The following CAMK4 variants were observed in gnomAD, a reference collection of about 807,000 sequenced individuals.
CAMK4 encodes calcium/calmodulin-dependent protein kinase type IV.
Under a neutral mutation model 44.9 loss-of-function variants are expected in CAMK4, and 22 were observed. That is an observed-to-expected ratio of 0.49 (90% CI 0.35 to 0.70). CAMK4 has a LOEUF of 0.70. CAMK4 is among the 30% of genes least tolerant of loss of function. The pLI, the probability that CAMK4 is intolerant of heterozygous loss-of-function variation, is 0.01. For missense variants in CAMK4, 498 were observed against 586.8 expected (o/e 0.85, Z 1.56); for synonymous variants, 218 against 215.4 (o/e 1.01, Z -0.11).
intron 5 of CAMK4, among the ~76,000 whole-genome samples, chr5:111,413,543 C>G (rs868100927): frequency 6.7e-6 from 1 of 150,128 alleles, no homozygotes; most frequent in Non-Finnish European, 1.5e-5. Flanking sequence ...TGCCACTGCA[C>G]TGCAGCCTGG....
At chr5:111,460,265 C>CTT (rs200566906) in intron 7 of CAMK4, among the ~76,000 whole-genome samples, 1,690 of 122,572 alleles carry the variant, frequency 0.014, 139 homozygotes, top group African/African-American at 0.022. Context: ...CTTTTCTTTT[C>CTT]TTTTTCTTTT....
Position 111,388,110 on chromosome 5 carries a change from T to C in CAMK4, c.387-6600T>C, listed in dbSNP as rs116178732. Among the ~76,000 whole-genome samples, 291 of 152,298 alleles carry C rather than the reference T, an allele frequency of 1.9e-3. 1 individual carries two copies. Among genetic ancestry groups the C allele is most frequent in the African/African-American group, 6.8e-3 (281 of 41,578 alleles). On this transcript the variant is annotated intron_variant, in intron 4 of 10. Transcript: ENST00000282356. Reference sequence around the variant, plus strand: ...AATCATCTGGGAACAAAGCTCCTTTTAGCAGAAACTGCCTGGAATAGAAGT... The same window carrying C: ...AATCATCTGGGAACAAAGCTCCTTTCAGCAGAAACTGCCTGGAATAGAAGT...
In CAMK4 at chr5:111,448,803, T is replaced by TAAAC. The variant is rs1354863582; in HGVS notation, c.551-310_551-307dup. Among the ~76,000 whole-genome samples, 3 of 152,234 alleles carry TAAAC rather than the reference T, an allele frequency of 2.0e-5. No homozygotes were observed. In the South Asian group the frequency reaches 6.2e-4, roughly 32 times the overall value. ...CTAGGCAACAGAGCAAGATTCTATC[T>TAAAC]AAACAAACAAACAAACAAAAACAAG... On this transcript the variant is annotated intron_variant, in intron 6 of 10. Coordinates refer to ENST00000282356, the MANE Select transcript of CAMK4 (RefSeq NM_001744.6).
chr5:111,352,011 T>C (rs1467774917), intron 2 of CAMK4, among the ~76,000 whole-genome samples: 1 of 152,072 alleles, frequency 6.6e-6, no homozygotes, highest in Non-Finnish European at 1.5e-5. Flanking sequence ...GTAAACTCTC[T>C]TTTGTCTCTT....
chr5:111,478,145 G>A (rs1012756202), intron 8 of CAMK4, among the ~76,000 whole-genome samples: 1 of 150,362 alleles, frequency 6.7e-6, no homozygotes, highest in African/African-American at 2.4e-5. Context: ...TATTATTATA[G>A]CTTTTTGTAG....
intron 2 of CAMK4, among the ~76,000 whole-genome samples, chr5:111,344,722 C>T (rs1298904456): frequency 6.6e-6 from 1 of 151,706 alleles, no homozygotes; most frequent in Non-Finnish European, 1.5e-5. Context: ...TTGCCCTACA[C>T]TCATAGATAA....
intron 5 of CAMK4, among the ~76,000 whole-genome samples, chr5:111,442,910 T>G (rs1753878280): frequency 6.7e-6 from 1 of 150,194 alleles, no homozygotes; most frequent in South Asian, 2.1e-4. Flanking sequence ...TAATTTTCAT[T>G]TTAACTAGTA....
intron 5 of CAMK4, 135 bp from the exon 6 acceptor site, chr5:111,446,551 T>G: frequency 1.8e-6 from 1 of 570,056 alleles, no homozygotes; most frequent in Non-Finnish European, 3.1e-6. Context: ...AGATTTTCCT[T>G]TATGGTACTT....
Position 111,485,481 on chromosome 5 carries a change from A to G in CAMK4, c.*1015A>G, listed in dbSNP as rs1044315701. On this transcript the variant is annotated 3_prime_UTR_variant, in exon 11 of 11. Coordinates refer to ENST00000282356, the MANE Select transcript of CAMK4 (RefSeq NM_001744.6). Reference sequence around the variant, plus strand: ...ATAATATTCCATTTTAAGATTATTCATTATTGACTTTAATAGAGTAAGAAA... The same window carrying G: ...ATAATATTCCATTTTAAGATTATTCGTTATTGACTTTAATAGAGTAAGAAA... 10 of 152,194 alleles carry G rather than the reference A, an allele frequency of 6.6e-5. No homozygotes were observed. The highest frequency in any genetic ancestry group is 1.5e-4 in the Non-Finnish European group (10 of 68,006). 9.4% of individuals were successfully genotyped at this position (152,194 alleles called of 1,614,324 possible).
At chr5:111,241,875 G>T (rs1369675178) in intron 1 of CAMK4, among the ~76,000 whole-genome samples, 2 of 152,178 alleles carry the variant, frequency 1.3e-5, no homozygotes, top group African/African-American at 4.8e-5. Context: ...TGGAGCTGAG[G>T]GCTCAAAGGG....
chr5:111,478,560 TA>T, intron 9 of CAMK4, 53 bp downstream of exon 9: 1 of 998,400 alleles, frequency 1.0e-6, no homozygotes, highest in Non-Finnish European at 1.4e-6. Flanking sequence ...TATTTTTAAC[TA>T]ATTAATGGGA....
chr5:111,337,142 A>G (rs931453927), intron 1 of CAMK4, among the ~76,000 whole-genome samples: 1 of 151,240 alleles, frequency 6.6e-6, no homozygotes, highest in Non-Finnish European at 1.5e-5. Flanking sequence ...CTGTGAGAGT[A>G]TTATAAATGA....
chr5:111,450,413 G>A (rs1304271713), intron 7 of CAMK4, among the ~76,000 whole-genome samples: 1 of 151,622 alleles, frequency 6.6e-6, no homozygotes, highest in Non-Finnish European at 1.5e-5. Flanking sequence ...ATCACCTACT[G>A]TGTAGTCAAG....
At chr5:111,224,075 G>C (rs892417832), upstream of CAMK4, 5 of 168,824 alleles carry the variant, frequency 3.0e-5, no homozygotes, top group African/African-American at 1.2e-4. This position sits in a 1 kb window ranked among gnomAD's most constrained non-coding sequence, Gnocchi z 5.7. Flanking sequence ...GCGGGTCCTT[G>C]TGCCTTCCCC....
At chr5:111,398,669 A>G (rs1752109375) in intron 5 of CAMK4, among the ~76,000 whole-genome samples, 1 of 152,096 alleles carries the variant, frequency 6.6e-6, no homozygotes, top group Non-Finnish European at 1.5e-5. Context: ...TCACATTCCC[A>G]CATTTCCGTC....
intron 5 of CAMK4, among the ~76,000 whole-genome samples, chr5:111,439,591 G>C (rs1753757438): frequency 6.6e-6 from 1 of 152,226 alleles, no homozygotes; most frequent in Admixed American, 6.5e-5. Context: ...TTTTAGAAAT[G>C]TTGAGACTGG....
intron 1 of CAMK4, among the ~76,000 whole-genome samples, chr5:111,326,719 T>A (rs1270888149): frequency 4.0e-5 from 6 of 151,814 alleles, no homozygotes; most frequent in African/African-American, 1.4e-4. Context: ...TCTGTGAATG[T>A]TGCCATTTGC....
At chr5:111,284,325 T>C (rs1751145627) in intron 1 of CAMK4, among the ~76,000 whole-genome samples, 1 of 152,192 alleles carries the variant, frequency 6.6e-6, no homozygotes, top group East Asian at 1.9e-4. Flanking sequence ...TTATTGGTAG[T>C]CTGATATTGC....
intron 1 of CAMK4, among the ~76,000 whole-genome samples, chr5:111,229,358 T>C (rs1359778757): frequency 2.0e-5 from 3 of 152,216 alleles, no homozygotes; most frequent in Admixed American, 2.0e-4. Flanking sequence ...CCAAGCTCTC[T>C]GGTGCCTCTT....
Sources: allele counts gnomAD v4.1 joint callset (sites outside exome capture counted in the v4.1 genomes callset), GRCh38; gene constraint gnomAD v4.1.1; non-coding constraint Gnocchi (gnomAD v3.1); transcripts MANE v1.5; gene names NCBI Gene and HGNC (gene_info 2026-07-23, HGNC 2026-07-21).